Variants in SPTLC3 observed in about 807,000 individuals in gnomAD.
SPTLC3 encodes serine palmitoyltransferase long chain base subunit 3.
Under a neutral mutation model 59.3 loss-of-function variants are expected in SPTLC3, and 36 were observed. The observed-to-expected ratio is 0.61, with a 90% CI of 0.47 to 0.80. The LOEUF (loss-of-function observed/expected upper bound fraction) is 0.80. Ranked by LOEUF, SPTLC3 falls within the 30% of genes least tolerant of loss-of-function variation. SPTLC3 has a pLI of 0.00. For synonymous variants in SPTLC3, 257 were observed against 240.8 expected (o/e 1.07, Z -0.62); for missense variants, 625 against 685.1 (o/e 0.91, Z 0.98).
intron 3 of SPTLC3, among the ~76,000 whole-genome samples, chr20:13,073,197 T>A (rs1375318060): frequency 7.3e-6 from 1 of 137,492 alleles, no homozygotes; most frequent in Non-Finnish European, 1.6e-5. Context: ...TTTCTCTTTA[T>A]CTCCCCCTCC....
intron 9 of SPTLC3, among the ~76,000 whole-genome samples, chr20:13,143,957 C>A (rs372033124): frequency 6.6e-6 from 1 of 152,202 alleles, no homozygotes; most frequent in Non-Finnish European, 1.5e-5. Flanking sequence ...TCATCCTGAT[C>A]CATGCACTAT....
At chr20:13,083,596 C>G (rs560094782) in intron 4 of SPTLC3, among the ~76,000 whole-genome samples, 1 of 152,162 alleles carries the variant, frequency 6.6e-6, no homozygotes. Context: ...TCCAGAAAGT[C>G]TCAATAACTT....
intron 4 of SPTLC3, 98 bp from the exon 5 acceptor site, chr20:13,090,985 A>C: frequency 6.7e-7 from 1 of 1,500,068 alleles, no homozygotes; most frequent in Non-Finnish European, 9.0e-7. Flanking sequence ...GCACTCTTGT[A>C]TAGGTCTTTT....
chr20:13,031,736 G>A (rs1986473025), intron 1 of SPTLC3, among the ~76,000 whole-genome samples: 1 of 152,090 alleles, frequency 6.6e-6, no homozygotes, highest in Non-Finnish European at 1.5e-5. Flanking sequence ...TTTGCACAGT[G>A]TTTGCAGCTA....
intron 9 of SPTLC3, among the ~76,000 whole-genome samples, chr20:13,130,387 G>A (rs1485311131): frequency 6.6e-6 from 1 of 151,996 alleles, no homozygotes; most frequent in Non-Finnish European, 1.5e-5. Context: ...AGCCTTTCAA[G>A]GCTTTGTTTC....
rs763357444 is a variant in SPTLC3, at chr20:13,154,085, C to A, written c.1362C>A (p.Gly454=). ...RLQEMGFIIY[G]NENASVVPLL... ...AGGAAATGGGATTCATTATCTATGG[C>A]AATGAGAATGCTTCTGTTGTTCCTC... The change falls in exon 10 of 12, where the codon GGC becomes GGA. Residue 454 remains glycine, a synonymous_variant. Transcript: ENST00000399002. The A allele has an allele frequency of 1.2e-6, 2 of 1,614,008 alleles. No homozygotes were observed. Among genetic ancestry groups the A allele is most frequent in the African/African-American group, 2.7e-5 (2 of 74,914 alleles).
intron 1 of SPTLC3, among the ~76,000 whole-genome samples, chr20:13,047,530 C>G (rs1464712657): frequency 6.6e-6 from 1 of 151,970 alleles, no homozygotes; most frequent in Non-Finnish European, 1.5e-5. Context: ...AATGGGAAAT[C>G]TGCAGATTGA....
intron 6 of SPTLC3, among the ~76,000 whole-genome samples, chr20:13,107,350 T>C (rs1299659452): frequency 6.6e-6 from 1 of 152,086 alleles, no homozygotes; most frequent in Non-Finnish European, 1.5e-5. Context: ...GAGGAAATAG[T>C]GCTCACAAAG....
chr20:13,065,274 T>C (rs1217434085), intron 2 of SPTLC3, among the ~76,000 whole-genome samples: 1 of 151,606 alleles, frequency 6.6e-6, no homozygotes, highest in Non-Finnish European at 1.5e-5. Flanking sequence ...AGTTTTTTTT[T>C]TTTTTTTCTA....
intron 9 of SPTLC3, among the ~76,000 whole-genome samples, chr20:13,131,275 C>A (rs1056241909): frequency 1.3e-5 from 2 of 152,298 alleles, no homozygotes; most frequent in African/African-American, 2.4e-5. Context: ...GGTAAAATTC[C>A]ATTTCTCAGA....
At chr20:13,140,681 TA>T (rs1301052044) in intron 9 of SPTLC3, among the ~76,000 whole-genome samples, 1 of 152,230 alleles carries the variant, frequency 6.6e-6, no homozygotes, top group Non-Finnish European at 1.5e-5. Flanking sequence ...TTCTATTTTT[TA>T]TTCAGTTATT....
At chr20:13,061,665 T>C (rs1381333427) in intron 2 of SPTLC3, among the ~76,000 whole-genome samples, 1 of 152,150 alleles carries the variant, frequency 6.6e-6, no homozygotes, top group Admixed American at 6.5e-5. Context: ...CTTTCCTTTG[T>C]ACCCAAAGTC....
At chr20:13,129,794 T>C (rs754991051) in intron 9 of SPTLC3, among the ~76,000 whole-genome samples, 4 of 152,340 alleles carry the variant, frequency 2.6e-5, no homozygotes, top group Non-Finnish European at 5.9e-5. Context: ...TCCTCAGTAA[T>C]CATCTGCCAT....
intron 4 of SPTLC3, among the ~76,000 whole-genome samples, chr20:13,081,477 C>T: frequency 6.6e-6 from 1 of 152,068 alleles, no homozygotes; most frequent in East Asian, 1.9e-4. Context: ...GTTTTGTTAA[C>T]CTGAGCTTTT....
intron 10 of SPTLC3, among the ~76,000 whole-genome samples, chr20:13,157,045 T>C (rs1050198649): frequency 7.2e-5 from 11 of 152,156 alleles, no homozygotes; most frequent in Admixed American, 2.6e-4. Flanking sequence ...GTACTAAATA[T>C]ATGCTAAGTA....
intron 8 of SPTLC3, among the ~76,000 whole-genome samples, chr20:13,118,034 G>T (rs1990663575): frequency 6.6e-6 from 1 of 152,124 alleles, no homozygotes; most frequent in Non-Finnish European, 1.5e-5. Flanking sequence ...CTAGGACATG[G>T]TTTAGAATGA....
chr20:13,097,782 T>C (rs6078916), intron 6 of SPTLC3, among the ~76,000 whole-genome samples: 46,958 of 151,950 alleles, frequency 0.31, 7,992 homozygotes, highest in Middle Eastern at 0.4. Context: ...AACATGTCAA[T>C]ACCATAAGAG....
intron 1 of SPTLC3, among the ~76,000 whole-genome samples, chr20:13,041,066 T>G (rs972009816): frequency 3.3e-5 from 5 of 152,202 alleles, no homozygotes; most frequent in African/African-American, 9.6e-5. Flanking sequence ...ATAACAGATC[T>G]CTTTGCCTTT....
chr20:13,102,002 T>A lies in SPTLC3; in HGVS notation c.827-8110T>A, dbSNP rs1274767262. On this transcript the variant is annotated intron_variant, in intron 6 of 11. Transcript: ENST00000399002. ...GTCAGAGGTCCAGGCAGGTCAAGAA[T>A]TTGGAGTAGTTTAAAAGAAAAAGTG... 3.9e-5 allele frequency among the ~76,000 whole-genome samples: 6 copies of A among 152,196 alleles called. No individual in the cohort carries two copies. The East Asian group carries it at 9.7e-4, about 25-fold the overall frequency.
Sources: gnomAD v4.1 joint callset for allele counts (sites outside exome capture counted in the v4.1 genomes callset) on GRCh38, gnomAD v4.1.1 for gene constraint, MANE v1.5 for transcripts, NCBI Gene and HGNC (gene_info 2026-07-23, HGNC 2026-07-21) for gene names.